Variants in ESS2 observed in about 807,000 individuals in gnomAD.
The protein encoded by ESS2 is splicing factor ESS-2 homolog.
In ESS2, 31 loss-of-function variants were observed where a neutral mutation model predicts 52.0. That is an observed-to-expected ratio of 0.60 (90% confidence interval 0.45 to 0.81). ESS2 has a LOEUF of 0.81. Among genes scored for constraint, ESS2 ranks in the 30% least tolerant of loss-of-function variants. The pLI is 0.00. For synonymous variants in ESS2, 285 were observed against 259.2 expected, an observed-to-expected ratio of 1.10 and a Z score of -0.95; for missense variants, 602 against 637.2, an observed-to-expected ratio of 0.94 and a Z score of 0.59.
At chr22:19,144,289 G>A (rs2083746389) in intron 1 of ESS2, 14 of 1,325,244 alleles carry the variant, frequency 1.1e-5, no homozygotes, top group South Asian at 7.7e-5. Flanking sequence ...CCCATACAAA[G>A]AGAGCCGCTC....
At position 19,135,299 on chromosome 22, in the gene ESS2, C is replaced by A. The variant is rs1449075325; in HGVS notation, c.1036-124G>T. The A allele has an allele frequency of 7.0e-6, 5 of 714,186 alleles. No individual in the cohort carries two copies. In the East Asian group the frequency reaches 1.4e-4, roughly 20 times the overall value. 44.2% of individuals were successfully genotyped at this position (714,186 alleles called of 1,614,324 possible). On this transcript the variant is annotated intron_variant, in intron 8 of 9. Transcript: ENST00000252137. The stretch of plus-strand genomic sequence containing the variant: ...TGTTGCCTACAAAACCCCCACAACC[C>A]ATCACCTCCCACTAAAAGCCCCTGG...
intron 3 of ESS2, among the ~76,000 whole-genome samples, chr22:19,140,735 C>T (rs1195938982): frequency 6.6e-6 from 1 of 152,182 alleles, no homozygotes; most frequent in Non-Finnish European, 1.5e-5. Flanking sequence ...GTCCTGACCA[C>T]CTGCTACACG....
Position 19,132,496 on chromosome 22 carries a change from T to C in ESS2, c.*1700A>G. On this transcript the variant is annotated 3_prime_UTR_variant, in exon 10 of 10. Transcript: ENST00000252137. This position sits in a 1 kb window ranked among gnomAD's most constrained non-coding sequence, Gnocchi z 4.2. ...ACCTAGCATGACAATGGCCCCGTTG[T>C]GTGTGGTGGGGGTCGGGGTTGGGGG... The C allele has an allele frequency of 6.3e-7, 1 of 1,585,748 alleles. No homozygotes were observed. The highest frequency in any genetic ancestry group is 1.7e-5 in the Admixed American group (1 of 57,818).
intron 6 of ESS2, chr22:19,138,624 GC>G: frequency 1.8e-6 from 1 of 547,052 alleles, no homozygotes; most frequent in South Asian, 2.0e-5. Flanking sequence ...CTGACGCCAG[GC>G]CCCTGCAGGG....
rs1317350451 is a variant in ESS2, at chr22:19,133,905, TG to T, written c.*290del. ...CCCCAGGGCAAGGCTAGGGCTCGTG[TG>T]GGGAGCAAGATGGAGAGGCAACCCC... On this transcript the variant is annotated 3_prime_UTR_variant, in exon 10 of 10. Coordinates refer to ENST00000252137, the MANE Select transcript of ESS2 (RefSeq NM_022719.3). 3.1e-6 allele frequency: 1 copy of T among 321,894 alleles called. No homozygotes were observed. Among genetic ancestry groups the T allele is most frequent in the Non-Finnish European group, 5.6e-6 (1 of 178,288 alleles). The allele number at this position is 321,894 out of a possible 1,614,324, so 19.9% of individuals were successfully genotyped here. A position where few individuals can be genotyped will look rare whatever the true frequency, so the allele number is the denominator to read the frequency against.
rs1037688310 is a variant in ESS2 at position 19,139,166 on chromosome 22, T to C, written c.815A>G (p.Asn272Ser). The change falls in exon 6 of 10, where the codon AAT (asparagine) becomes AGT (serine). Residue 272 changes from asparagine (N) to serine (S), a missense_variant. Transcript: ENST00000252137. Reference sequence around the variant, plus strand: ...GCTGACCCGCCTGCTCACCTGGGCATTGAGGGCGGCTGCCTGCTGGAGCTG... The same window carrying C: ...GCTGACCCGCCTGCTCACCTGGGCACTGAGGGCGGCTGCCTGCTGGAGCTG... ...RCQLQQAAAL[N>S]AQHKQGKVGP... The C allele has an allele frequency of 2.5e-6, 4 of 1,596,470 alleles. No homozygotes were observed. In the Admixed American group the frequency reaches 5.2e-5, roughly 21 times the overall value.
intron 1 of ESS2, among the ~76,000 whole-genome samples, chr22:19,143,842 G>A (rs907290924): frequency 1.3e-5 from 2 of 152,148 alleles, no homozygotes; most frequent in African/African-American, 2.4e-5. Flanking sequence ...CCTGGACGAC[G>A]AGCGAGACTC....
rs150730100 is a variant in ESS2, at chr22:19,141,715, C to T, written c.400+823G>A. Among the ~76,000 whole-genome samples the T allele has an allele frequency of 2.3e-3, 356 of 152,268 alleles. 2 individuals are homozygous for T. Among genetic ancestry groups the T allele is most frequent in the African/African-American group, 5.2e-3 (214 of 41,540 alleles). ...TAAAACGTTATGTCTTGGCCAGGCG[C>T]GGTGGCTCACACCTGTAATACCAGC... On this transcript the variant is annotated intron_variant, in intron 3 of 9. Coordinates refer to ENST00000252137, the MANE Select transcript of ESS2 (RefSeq NM_022719.3).
In ESS2 at chr22:19,142,784, C is replaced by A. The variant is rs569930086; in HGVS notation, c.246G>T (p.Gln82His). The change falls in exon 2 of 10, where the codon CAG becomes CAT. Residue 82 changes from glutamine to histidine, a missense_variant. Physicochemically the swap from Gln to His is conservative, Grantham distance 24. Coordinates refer to ENST00000252137, the MANE Select transcript of ESS2 (RefSeq NM_022719.3). ...EENGDLERMR[Q>H]IAIKFGSALG... ...AGGCAGAGCCAAACTTGATGGCAAT[C>A]TGGCGCATCCGTTCCAAGTCTCCAT... The A allele has an allele frequency of 3.7e-6, 6 of 1,614,184 alleles. No homozygotes were observed. In the South Asian group the frequency reaches 6.6e-5, roughly 18 times the overall value.
At chr22:19,143,183 C>T (rs998918929) in intron 1 of ESS2, among the ~76,000 whole-genome samples, 40 of 127,130 alleles carry the variant, frequency 3.1e-4, no homozygotes, top group African/African-American at 2.8e-4. Context: ...CCAGCCTGGG[C>T]GACAGAGCGA....
Position 19,134,150 on chromosome 22 carries a change from C to A in ESS2, c.*46G>T, listed in dbSNP as rs369199018. The A allele has an allele frequency of 2.3e-4, 332 of 1,472,040 alleles. No individual in the cohort carries two copies. Among genetic ancestry groups the A allele is most frequent in the Middle Eastern group, 1.2e-3 (5 of 4,064 alleles). The allele number at this position is 1,472,040 out of a possible 1,614,324, so 91.2% of individuals were successfully genotyped here. On this transcript the variant is annotated 3_prime_UTR_variant, in exon 10 of 10. Coordinates refer to ENST00000252137, the MANE Select transcript of ESS2 (RefSeq NM_022719.3). ...AGTCCTCTGCTGGGTGTACAGCTGC[C>A]CTGCAGGCTCTGTGAAGCGTCTATG...
At chr22:19,139,074 C>T (rs2083636163) in intron 6 of ESS2, 85 bp downstream of exon 6, 1 of 1,497,702 alleles carries the variant, frequency 6.7e-7, no homozygotes, top group Admixed American at 2.2e-5. Context: ...CTCTGCCAAG[C>T]TCAAAGAGAT....
rs1463269591 is a variant in ESS2, at chr22:19,132,489, C to T, written c.*1707G>A. 6.3e-7 allele frequency: 1 copy of T among 1,593,712 alleles called. No homozygotes were observed. The highest frequency in any genetic ancestry group is 8.6e-7 in the Non-Finnish European group (1 of 1,167,866). On this transcript the variant is annotated 3_prime_UTR_variant, in exon 10 of 10. Coordinates refer to ENST00000252137, the MANE Select transcript of ESS2 (RefSeq NM_022719.3). This position sits in a 1 kb window ranked among gnomAD's most constrained non-coding sequence, Gnocchi z 4.2. ...AGCAAGCACCTAGCATGACAATGGCCCCGTTGTGTGTGGTGGGGGTCGGGG... is the reference window on the plus strand; with the variant it reads ...AGCAAGCACCTAGCATGACAATGGCTCCGTTGTGTGTGGTGGGGGTCGGGG...
rs1032052420 is a variant in ESS2, at chr22:19,132,563, A to G, written c.*1633T>C. ...CTTCACGTAAACTAAGTAGGCAGGT[A>G]GGATCTGAAGAAGGCACAGGTGCAA... On this transcript the variant is annotated 3_prime_UTR_variant, in exon 10 of 10. Transcript: ENST00000252137. The surrounding 1 kb of genome is among the most constrained non-coding windows in gnomAD (Gnocchi z 4.2). The G allele has an allele frequency of 3.7e-6, 5 of 1,348,610 alleles. No homozygotes were observed. Among genetic ancestry groups the G allele is most frequent in the Admixed American group, 4.4e-5 (2 of 45,036 alleles). The allele number at this position is 1,348,610 out of a possible 1,614,324, so 83.5% of individuals were successfully genotyped here.
chr22:19,138,716 G>GT (rs1221918601), intron 6 of ESS2, among the ~76,000 whole-genome samples: 1 of 152,188 alleles, frequency 6.6e-6, no homozygotes, highest in Non-Finnish European at 1.5e-5. Flanking sequence ...CTTCAACCCT[G>GT]TGACTGCCAC....
intron 7 of ESS2, chr22:19,137,811 G>A (rs1328407759): frequency 9.1e-6 from 9 of 985,276 alleles, no homozygotes; most frequent in Non-Finnish European, 1.1e-5. Flanking sequence ...CAAGAGCACA[G>A]AGGCCAGAGT....
At position 19,132,526 on chromosome 22, in the gene ESS2, G is replaced by C. The variant is rs375084328; in HGVS notation, c.*1670C>G. On this transcript the variant is annotated 3_prime_UTR_variant, in exon 10 of 10. Transcript: ENST00000252137. The surrounding 1 kb of genome is among the most constrained non-coding windows in gnomAD (Gnocchi z 4.2). ...GGTGGGGGTCGGGGTTGGGGGGCAT[G>C]GTGCAGTCGGCCTTCACGTAAACTA... 3.3e-6 allele frequency: 5 copies of C among 1,531,550 alleles called. No homozygotes were observed. The African/African-American group carries it at 6.9e-5, about 21-fold the overall frequency. The allele number at this position is 1,531,550 out of a possible 1,614,324, so 94.9% of individuals were successfully genotyped here. A position where few individuals can be genotyped will look rare whatever the true frequency, so the allele number is the denominator to read the frequency against.
chr22:19,142,712 C>T lies in ESS2; in HGVS notation c.304+14G>A. On this transcript the variant is annotated intron_variant, in intron 2 of 9. Transcript: ENST00000252137. ...CAGGCTTTCCCCTCTCCGCCACCCA[C>T]AGGGTCCTCATACAGGGTGGCGGGG... The T allele has an allele frequency of 1.2e-6, 2 of 1,612,284 alleles. No homozygotes were observed. The highest frequency in any genetic ancestry group is 1.7e-6 in the Non-Finnish European group (2 of 1,178,996).
rs3747051 is a variant in ESS2 at position 19,131,388 on chromosome 22, G to A, written c.*2808C>T. ...GATGTAGACGGCAGCGGCGCCAGTC[G>A]CTCCTGGCACCATGGACGATGCCAC... On this transcript the variant is annotated 3_prime_UTR_variant, in exon 10 of 10. Coordinates refer to ENST00000252137, the MANE Select transcript of ESS2 (RefSeq NM_022719.3). The surrounding 1 kb of genome is among the most constrained non-coding windows in gnomAD (Gnocchi z 5.7). The A allele has an allele frequency of 3.4e-4, 539 of 1,574,338 alleles. 6 individuals are homozygous for A. In the East Asian group the frequency reaches 8.9e-3, roughly 26 times the overall value.
Sources: gnomAD v4.1 joint callset for allele counts (sites outside exome capture counted in the v4.1 genomes callset) on GRCh38, gnomAD v4.1.1 for gene constraint, Gnocchi (gnomAD v3.1) non-coding constraint, MANE v1.5 for transcripts, NCBI Gene and HGNC (gene_info 2026-07-23, HGNC 2026-07-21) for gene names.